ZRANB3: variants seen among roughly 807,000 people sequenced by gnomAD.
ZRANB3 encodes zinc finger RANBP2-type containing 3.
In ZRANB3, 125 loss-of-function variants were observed where a neutral mutation model predicts 133.8. The ratio of observed to expected loss-of-function variants is 0.93; its 90% CI spans 0.81 to 1.08. ZRANB3 has a LOEUF of 1.08. Ranked by LOEUF, ZRANB3 falls within the 50% of genes least tolerant of loss-of-function variation. ZRANB3 has a pLI of 0.00. For missense variants in ZRANB3, 1,229 were observed against 1,275.5 expected, an observed-to-expected ratio of 0.96 and a Z score of 0.56; for synonymous variants, 387 against 432.7, an observed-to-expected ratio of 0.89 and a Z score of 1.31.
chr2:135,399,207 C>T (rs1687634248), intron 2 of ZRANB3, among the ~76,000 whole-genome samples: 1 of 152,172 alleles, frequency 6.6e-6, no homozygotes, highest in Admixed American at 6.5e-5. Context: ...TCTCCCAGCT[C>T]CCCAGGCCCC....
At chr2:135,381,768 C>A (rs1386774026) in intron 3 of ZRANB3, among the ~76,000 whole-genome samples, 1 of 152,184 alleles carries the variant, frequency 6.6e-6, no homozygotes, top group Non-Finnish European at 1.5e-5. Flanking sequence ...TCCAACAGAC[C>A]TGCAGCTGAG....
chr2:135,201,284 C>T (rs1693614523), intron 20 of ZRANB3, among the ~76,000 whole-genome samples: 2 of 152,178 alleles, frequency 1.3e-5, no homozygotes, highest in Non-Finnish European at 2.9e-5. Flanking sequence ...ACTTGCACAT[C>T]TGAGAAATCA....
intron 12 of ZRANB3, among the ~76,000 whole-genome samples, chr2:135,248,060 T>C (rs972937672): frequency 5.3e-5 from 8 of 152,162 alleles, no homozygotes; most frequent in Non-Finnish European, 8.8e-5. Context: ...GAGGGTGGGA[T>C]AGGCTGCCAT....
At chr2:135,470,155 T>C (rs1691191925) in intron 2 of ZRANB3, among the ~76,000 whole-genome samples, 1 of 148,988 alleles carries the variant, frequency 6.7e-6, no homozygotes, top group Admixed American at 6.8e-5. Context: ...CGAAACCCCA[T>C]CTCTACTAAA....
At chr2:135,382,009 T>C (rs1026463332) in intron 3 of ZRANB3, among the ~76,000 whole-genome samples, 8 of 151,974 alleles carry the variant, frequency 5.3e-5, no homozygotes, top group African/African-American at 9.7e-5. Context: ...CTTTGACGAG[T>C]TGAGAGAAGA....
At chr2:135,203,721 T>G (rs1002247158) in intron 19 of ZRANB3, among the ~76,000 whole-genome samples, 4 of 152,166 alleles carry the variant, frequency 2.6e-5, no homozygotes, top group African/African-American at 9.7e-5. Flanking sequence ...GGCAGTTTAA[T>G]GTCAATAGCT....
At chr2:135,326,331 A>G (rs1384854688) in intron 6 of ZRANB3, among the ~76,000 whole-genome samples, 1 of 152,076 alleles carries the variant, frequency 6.6e-6, no homozygotes, top group Non-Finnish European at 1.5e-5. Context: ...GATTTGTGAA[A>G]TTTTGGCGCA....
chr2:135,470,664 G>C (rs1045591699), intron 2 of ZRANB3, among the ~76,000 whole-genome samples: 2 of 151,906 alleles, frequency 1.3e-5, no homozygotes, highest in African/African-American at 4.8e-5. Context: ...TCCAGTCTGG[G>C]TGACAGATTG....
At chr2:135,306,956 C>T (rs1156847732) in intron 8 of ZRANB3, among the ~76,000 whole-genome samples, 1 of 152,016 alleles carries the variant, frequency 6.6e-6, no homozygotes, top group Non-Finnish European at 1.5e-5. Context: ...TAACTCCTGG[C>T]CTCAAGTAAT....
intron 2 of ZRANB3, among the ~76,000 whole-genome samples, chr2:135,462,704 T>C (rs1166976704): frequency 6.6e-6 from 1 of 152,002 alleles, no homozygotes; most frequent in Non-Finnish European, 1.5e-5. Context: ...GAGATTCTCC[T>C]GCCTCAGCAT....
rs369097092 is a variant in ZRANB3, at chr2:135,246,472, T to C, written c.1540-15545A>G. 2.3e-4 allele frequency among the ~76,000 whole-genome samples: 35 copies of C among 152,224 alleles called. No individual in the cohort carries two copies. The East Asian group carries it at 6.0e-3, about 26-fold the overall frequency. Reference sequence around the variant, plus strand: ...CTGATTAAAGCATTTGGGAAAAACATAGTAAGAAATAATTGCAAACAGAAT... The same window carrying C: ...CTGATTAAAGCATTTGGGAAAAACACAGTAAGAAATAATTGCAAACAGAAT... On this transcript the variant is annotated intron_variant, in intron 12 of 20. Transcript: ENST00000264159.
chr2:135,224,609 T>C lies in ZRANB3; in HGVS notation c.2159-92A>G. On this transcript the variant is annotated intron_variant, in intron 14 of 20. Transcript: ENST00000264159. ...TCGTGTGTAGGTTAGAACGATGAAA[T>C]AGCTATATCAAAATATCAATATATT... 3.9e-6 allele frequency: 3 copies of C among 766,152 alleles called. No homozygotes were observed. In the Middle Eastern group the frequency reaches 7.3e-4, roughly 187 times the overall value. The allele number at this position is 766,152 out of a possible 1,614,324, so 47.5% of individuals were successfully genotyped here. A position where few individuals can be genotyped will look rare whatever the true frequency, so the allele number is the denominator to read the frequency against.
intron 13 of ZRANB3, 68 bp from the exon 14 acceptor site, chr2:135,228,083 A>T: frequency 1.6e-6 from 2 of 1,289,096 alleles, no homozygotes; most frequent in Non-Finnish European, 2.1e-6. Flanking sequence ...AAAGAATGTA[A>T]CAGTTAGGTC....
intron 2 of ZRANB3, among the ~76,000 whole-genome samples, chr2:135,415,184 G>A (rs1336130795): frequency 2.7e-5 from 4 of 150,408 alleles, no homozygotes; most frequent in Non-Finnish European, 5.9e-5. Context: ...TTTTTGAACG[G>A]ATCAACAAAA....
intron 17 of ZRANB3, among the ~76,000 whole-genome samples, chr2:135,210,530 C>T (rs1694051587): frequency 6.6e-6 from 1 of 152,078 alleles, no homozygotes; most frequent in South Asian, 2.1e-4. Flanking sequence ...TGGGAATTTG[C>T]CATGTTGGCC....
At chr2:135,267,380 C>T (rs1680300626) in intron 11 of ZRANB3, among the ~76,000 whole-genome samples, 1 of 151,974 alleles carries the variant, frequency 6.6e-6, no homozygotes, top group African/African-American at 2.4e-5. Context: ...CTATGATAAC[C>T]CATTAATCCC....
chr2:135,406,398 G>C (rs1230935279), intron 2 of ZRANB3, among the ~76,000 whole-genome samples: 1 of 152,132 alleles, frequency 6.6e-6, no homozygotes, highest in East Asian at 1.9e-4. Flanking sequence ...GAGGTACAAC[G>C]AGGAGCTGGT....
At chr2:135,525,775 G>A (rs1218174919) in intron 1 of ZRANB3, among the ~76,000 whole-genome samples, 1 of 147,706 alleles carries the variant, frequency 6.8e-6, no homozygotes, top group Non-Finnish European at 1.5e-5. Flanking sequence ...TTGAACCCGG[G>A]AGGAGGAGGT....
intron 2 of ZRANB3, among the ~76,000 whole-genome samples, chr2:135,458,470 T>G (rs1008637439): frequency 6.6e-6 from 1 of 152,012 alleles, no homozygotes; most frequent in African/African-American, 2.4e-5. Flanking sequence ...TTAGACATGC[T>G]GCATATATGT....
Sources: gnomAD v4.1 joint callset for allele counts (sites outside exome capture counted in the v4.1 genomes callset) on GRCh38, gnomAD v4.1.1 for gene constraint, MANE v1.5 for transcripts, NCBI Gene and HGNC (gene_info 2026-07-23, HGNC 2026-07-21) for gene names.